Variants in SESTD1 observed in about 807,000 individuals in gnomAD.
The protein encoded by SESTD1 is SEC14 domain and spectrin repeat-containing protein 1.
Under a neutral mutation model 101.7 loss-of-function variants are expected in SESTD1, and 43 were observed. The observed-to-expected ratio is 0.42, with a 90% CI of 0.33 to 0.55. The LOEUF (loss-of-function observed/expected upper bound fraction) is 0.55. Among genes scored for constraint, SESTD1 ranks in the 20% least tolerant of loss-of-function variants. The probability of loss-of-function intolerance (pLI) is 0.07; values close to 1 mark genes in which losing one functional copy is unlikely to be tolerated. For synonymous variants in SESTD1, 283 were observed against 286.8 expected, an observed-to-expected ratio of 0.99 and a Z score of 0.13; for missense variants, 647 against 815.1, an observed-to-expected ratio of 0.79 and a Z score of 2.51.
At chr2:179,200,015 C>T (rs1486976637) in intron 1 of SESTD1, among the ~76,000 whole-genome samples, 4 of 152,192 alleles carry the variant, frequency 2.6e-5, no homozygotes, top group Non-Finnish European at 4.4e-5. Flanking sequence ...TGATTGTATA[C>T]CTAGAAAACC....
In SESTD1 at chr2:179,111,257, G is replaced by A. The variant is rs554423570; in HGVS notation, c.1962-1229C>T. 1.6e-4 allele frequency among the ~76,000 whole-genome samples: 25 copies of A among 152,326 alleles called. No individual in the cohort carries two copies. The South Asian group carries it at 3.7e-3, about 23-fold the overall frequency. ...AAGTTTAGGTGGGGCTTGAGATAAC[G>A]TAAGTATAGACTATGAATAATATTA... On this transcript the variant is annotated intron_variant, in intron 17 of 17. Coordinates refer to ENST00000428443, the MANE Select transcript of SESTD1 (RefSeq NM_178123.5).
chr2:179,126,632 C>A (rs138801493), intron 10 of SESTD1, among the ~76,000 whole-genome samples: 2 of 152,220 alleles, frequency 1.3e-5, no homozygotes, highest in East Asian at 3.9e-4. Context: ...AATATAGGCT[C>A]TAAATACATC....
chr2:179,175,164 T>C (rs1036752468), intron 4 of SESTD1, among the ~76,000 whole-genome samples: 4 of 152,118 alleles, frequency 2.6e-5, no homozygotes, highest in African/African-American at 9.7e-5. Context: ...TTGAGCCTCG[T>C]TGACCTCTGT....
intron 1 of SESTD1, among the ~76,000 whole-genome samples, chr2:179,232,811 C>T (rs984284749): frequency 2.6e-5 from 4 of 152,210 alleles, no homozygotes; most frequent in South Asian, 2.1e-4. Context: ...AGAAGATATA[C>T]ATTTATCTGT....
At chr2:179,150,935 C>G (rs1371285902) in intron 6 of SESTD1, among the ~76,000 whole-genome samples, 16 of 152,178 alleles carry the variant, frequency 1.1e-4, no homozygotes, top group Admixed American at 1.0e-3. Context: ...GCCACTATAT[C>G]ATGTCTGGTG....
At chr2:179,253,509 A>T (rs2105557136) in intron 1 of SESTD1, among the ~76,000 whole-genome samples, 1 of 152,342 alleles carries the variant, frequency 6.6e-6, no homozygotes, top group East Asian at 1.9e-4. Context: ...CTGCAAATCC[A>T]AAATTATTCT....
At position 179,240,464 on chromosome 2, in the gene SESTD1, G is replaced by C. The variant is rs146691804; in HGVS notation, c.-26+24035C>G. ...GAACACAGACTGACTAGGGGCCTCA[G>C]GACCTAAGATTAAGTTTCCCTTGAG... On this transcript the variant is annotated intron_variant, in intron 1 of 17. Coordinates refer to ENST00000428443, the MANE Select transcript of SESTD1 (RefSeq NM_178123.5). Among the ~76,000 whole-genome samples the C allele has an allele frequency of 4.2e-3, 632 of 152,206 alleles. 1 individual carries two copies. Among genetic ancestry groups the C allele is most frequent in the Non-Finnish European group, 7.0e-3 (475 of 67,998 alleles).
At chr2:179,142,458 C>T (rs2045300574) in intron 9 of SESTD1, among the ~76,000 whole-genome samples, 1 of 152,108 alleles carries the variant, frequency 6.6e-6, no homozygotes, top group African/African-American at 2.4e-5. Flanking sequence ...AGAAAGAAGA[C>T]AGTTCAAGCG....
rs1439294193 is a variant in SESTD1 at position 179,205,082 on chromosome 2, CT to C, written c.-25-13217del. 2.2e-5 allele frequency among the ~76,000 whole-genome samples: 3 copies of C among 134,376 alleles called. 1 individual carries two copies. Among genetic ancestry groups the C allele is most frequent in the Non-Finnish European group, 4.8e-5 (3 of 62,680 alleles). The allele number at this position is 134,376 out of a possible 152,430, so 88.2% of individuals were successfully genotyped here. On this transcript the variant is annotated intron_variant, in intron 1 of 17. Coordinates refer to ENST00000428443, the MANE Select transcript of SESTD1 (RefSeq NM_178123.5). ...TCTGTAAATTATACAAAATAAATCC[CT>C]TTTCTCCTTAAGGTGGCTAAAATAG...
intron 9 of SESTD1, among the ~76,000 whole-genome samples, chr2:179,141,113 C>A (rs534140923): frequency 6.6e-6 from 1 of 152,188 alleles, no homozygotes. Context: ...GCCCAGACTT[C>A]GAAGTCTGGA....
intron 2 of SESTD1, among the ~76,000 whole-genome samples, chr2:179,184,296 T>G (rs1386627775): frequency 2.6e-5 from 4 of 152,156 alleles, no homozygotes; most frequent in Admixed American, 1.3e-4. Flanking sequence ...CAGCAAATAC[T>G]GAAAGAAACA....
intron 1 of SESTD1, among the ~76,000 whole-genome samples, chr2:179,199,408 C>T (rs1343571327): frequency 6.6e-6 from 1 of 152,138 alleles, no homozygotes; most frequent in African/African-American, 2.4e-5. Flanking sequence ...CCTTCTGAAA[C>T]TATTCCAATC....
At chr2:179,119,605 A>G (rs1477021703) in intron 13 of SESTD1, among the ~76,000 whole-genome samples, 4 of 152,072 alleles carry the variant, frequency 2.6e-5, no homozygotes, top group Non-Finnish European at 5.9e-5. Context: ...AGTCAATTAA[A>G]CTTCTTTCCT....
rs990315585 is a variant in SESTD1, at chr2:179,118,347, C to T, written c.1443-734G>A. Among the ~76,000 whole-genome samples, 3 of 152,010 alleles carry T rather than the reference C, an allele frequency of 2.0e-5. No individual in the cohort carries two copies. In the South Asian group the frequency reaches 6.3e-4, roughly 32 times the overall value. The stretch of plus-strand genomic sequence containing the variant: ...TTGTGGTCTTTTTGGATAATATAAC[C>T]ATTTAAATTTTTAAGGCAACTTAAC... On this transcript the variant is annotated intron_variant, in intron 13 of 17. Coordinates refer to ENST00000428443, the MANE Select transcript of SESTD1 (RefSeq NM_178123.5).
At chr2:179,231,242 T>G (rs1047085317) in intron 1 of SESTD1, among the ~76,000 whole-genome samples, 3 of 152,126 alleles carry the variant, frequency 2.0e-5, no homozygotes, top group East Asian at 3.8e-4. Flanking sequence ...TTTTAATATA[T>G]TTAATTGTAG....
At chr2:179,133,749 A>G (rs2045068664) in intron 9 of SESTD1, among the ~76,000 whole-genome samples, 1 of 152,208 alleles carries the variant, frequency 6.6e-6, no homozygotes, top group Non-Finnish European at 1.5e-5. Context: ...AGGTTAAAAA[A>G]ATATATTTCT....
At chr2:179,209,697 G>A (rs1479081956) in intron 1 of SESTD1, among the ~76,000 whole-genome samples, 1 of 133,970 alleles carries the variant, frequency 7.5e-6, no homozygotes, top group Non-Finnish European at 1.6e-5. Flanking sequence ...ACACCTCTGG[G>A]ATACAGCAAC....
In SESTD1 at chr2:179,239,541, T is replaced by C. The variant is rs181199937; in HGVS notation, c.-26+24958A>G. On this transcript the variant is annotated intron_variant, in intron 1 of 17. Coordinates refer to ENST00000428443, the MANE Select transcript of SESTD1 (RefSeq NM_178123.5). ...AACCCAGCTACACATTAGAATCATGTGGGGAGCTTTTAAAAAATATAAATG... is the reference window on the plus strand; with the variant it reads ...AACCCAGCTACACATTAGAATCATGCGGGGAGCTTTTAAAAAATATAAATG... 2.2e-4 allele frequency among the ~76,000 whole-genome samples: 34 copies of C among 152,246 alleles called. No individual in the cohort carries two copies. The East Asian group carries it at 6.0e-3, about 27-fold the overall frequency.
chr2:179,241,334 G>T (rs1263759511), intron 1 of SESTD1, among the ~76,000 whole-genome samples: 3 of 152,000 alleles, frequency 2.0e-5, no homozygotes, highest in Non-Finnish European at 2.9e-5. Flanking sequence ...CCCCAATTTG[G>T]CAAAGAACCC....
Sources: gnomAD v4.1 joint callset for allele counts (sites outside exome capture counted in the v4.1 genomes callset) on GRCh38, gnomAD v4.1.1 for gene constraint, MANE v1.5 for transcripts, NCBI Gene and HGNC (gene_info 2026-07-23, HGNC 2026-07-21) for gene names.